Variants in AMBRA1 observed in about 807,000 individuals in gnomAD.
AMBRA1 encodes the protein autophagy and beclin 1 regulator 1, also known as activating molecule in BECN1-regulated autophagy protein 1.
AMBRA1 carries 47 observed loss-of-function variants against 125.4 expected under a neutral mutation model. The ratio of observed to expected loss-of-function variants is 0.37; its 90% confidence interval spans 0.30 to 0.48. The LOEUF (loss-of-function observed/expected upper bound fraction) is 0.48, where lower values mean the gene tolerates loss of function less well. Among genes scored for constraint, AMBRA1 ranks in the 20% least tolerant of loss-of-function variants. AMBRA1 has a pLI of 0.99. For synonymous variants in AMBRA1, 626 were observed against 655.5 expected (o/e 0.95, Z 0.69); for missense variants, 1,331 against 1,693.4 (o/e 0.79, Z 3.76).
At chr11:46,421,071 T>G (rs1293879791) in intron 14 of AMBRA1, among the ~76,000 whole-genome samples, 1 of 152,236 alleles carries the variant, frequency 6.6e-6, no homozygotes, top group Non-Finnish European at 1.5e-5. Flanking sequence ...CAGGCAAATA[T>G]TATCTATTTG....
At chr11:46,445,079 A>C (rs999560675) in intron 11 of AMBRA1, among the ~76,000 whole-genome samples, 1 of 151,882 alleles carries the variant, frequency 6.6e-6, no homozygotes, top group African/African-American at 2.4e-5. Context: ...AACAAAAAAA[A>C]AAAAACAAAA....
intron 11 of AMBRA1, among the ~76,000 whole-genome samples, chr11:46,455,741 G>A (rs1847181660): frequency 6.6e-6 from 1 of 152,156 alleles, no homozygotes; most frequent in Non-Finnish European, 1.5e-5. Flanking sequence ...CAATCACATT[G>A]CCTTGAACGC....
At chr11:46,503,981 G>T (rs1324166093) in intron 9 of AMBRA1, among the ~76,000 whole-genome samples, 1 of 152,190 alleles carries the variant, frequency 6.6e-6, no homozygotes, top group Non-Finnish European at 1.5e-5. Flanking sequence ...TTACAGGTGT[G>T]AGCTGCCACA....
rs1396341620 is a variant in AMBRA1 at position 46,478,640 on chromosome 11, TTTTTTCTC to T, written c.2521+14960_2521+14967del. On this transcript the variant is annotated intron_variant, in intron 11 of 17. Transcript: ENST00000683756. ...AGGCAAGATATTTCTTGTTTTTTTCTTTTTTCTCTTTTTTTTTTTTTTTTTTTTTTGGA... is the reference window on the plus strand; with the variant it reads ...AGGCAAGATATTTCTTGTTTTTTTCTTTTTTTTTTTTTTTTTTTTTTTGGA... 1.1e-3 allele frequency among the ~76,000 whole-genome samples: 146 copies of T among 127,848 alleles called. 1 individual carries two copies. Among genetic ancestry groups the T allele is most frequent in the Non-Finnish European group, 2.0e-3 (130 of 63,604 alleles). The allele number at this position is 127,848 out of a possible 152,430, so 83.9% of individuals were successfully genotyped here. A position where few individuals can be genotyped will look rare whatever the true frequency, so the allele number is the denominator to read the frequency against.
At position 46,492,844 on chromosome 11, in the gene AMBRA1, T is replaced by C. The variant is rs547342553; in HGVS notation, c.2521+764A>G. 2.6e-5 allele frequency among the ~76,000 whole-genome samples: 4 copies of C among 152,226 alleles called. No individual in the cohort carries two copies. The South Asian group carries it at 8.3e-4, about 32-fold the overall frequency. On this transcript the variant is annotated intron_variant, in intron 11 of 17. Coordinates refer to ENST00000683756, the MANE Select transcript of AMBRA1 (RefSeq NM_001387011.1). ...GCAGGCAGATCACGAAGTGAGGAGA[T>C]TGAGATCATCCTGGCTAACACGTTG...
At chr11:46,477,321 CTT>C (rs1007078980) in intron 11 of AMBRA1, among the ~76,000 whole-genome samples, 34 of 142,282 alleles carry the variant, frequency 2.4e-4, no homozygotes, top group Admixed American at 2.8e-4. Context: ...AAAGATACTT[CTT>C]TTTTTTTTTT....
chr11:46,453,794 G>T (rs1948728829), intron 11 of AMBRA1, among the ~76,000 whole-genome samples: 1 of 152,114 alleles, frequency 6.6e-6, no homozygotes, highest in Admixed American at 6.5e-5. Context: ...AAGGCACTTG[G>T]TCTATCATGT....
chr11:46,430,396 C>T (rs1417013162), intron 14 of AMBRA1, among the ~76,000 whole-genome samples: 1 of 152,210 alleles, frequency 6.6e-6, no homozygotes, highest in Non-Finnish European at 1.5e-5. Flanking sequence ...ATGAAGAAAT[C>T]TTGTTTTAAA....
At chr11:46,516,690 C>T (rs553323780) in intron 7 of AMBRA1, among the ~76,000 whole-genome samples, 44 of 152,194 alleles carry the variant, frequency 2.9e-4, no homozygotes, top group Middle Eastern at 3.4e-3. Flanking sequence ...ACCTCGGCCT[C>T]CCAAAGTGCT....
chr11:46,433,295 C>T (rs1003066075), intron 14 of AMBRA1, among the ~76,000 whole-genome samples, 179 bp downstream of exon 14: 1 of 152,170 alleles, frequency 6.6e-6, no homozygotes, highest in Admixed American at 6.5e-5. Context: ...TTTGATAGTC[C>T]AGAGCTTCCA....
intron 11 of AMBRA1, among the ~76,000 whole-genome samples, chr11:46,471,660 G>T (rs1441415229): frequency 6.6e-6 from 1 of 151,016 alleles, no homozygotes; most frequent in Non-Finnish European, 1.5e-5. Flanking sequence ...ATGGAGTCTT[G>T]CTCTGTTGCC....
chr11:46,444,629 T>C (rs763575582), intron 11 of AMBRA1, among the ~76,000 whole-genome samples: 1 of 152,222 alleles, frequency 6.6e-6, no homozygotes, highest in African/African-American at 2.4e-5. Flanking sequence ...TTACCAGCCT[T>C]GGAAAAATGG....
chr11:46,511,336 G>A (rs1470565713), intron 8 of AMBRA1, among the ~76,000 whole-genome samples: 1 of 152,170 alleles, frequency 6.6e-6, no homozygotes, highest in African/African-American at 2.4e-5. Flanking sequence ...CTGTTTTAAA[G>A]TCATCAATCC....
At chr11:46,563,196 G>A (rs2043395857) in intron 1 of AMBRA1, among the ~76,000 whole-genome samples, 1 of 152,142 alleles carries the variant, frequency 6.6e-6, no homozygotes, top group Admixed American at 6.6e-5. Flanking sequence ...CTTGAGGCCA[G>A]GAGTTCAAGA....
In AMBRA1 at chr11:46,494,141, A is replaced by G; in HGVS notation, c.2403T>C (p.Leu801=). Residue 801 remains leucine, a synonymous_variant, in exon 10 of 18, where the codon CTT becomes CTC. Transcript: ENST00000683756. Reference sequence around the variant, plus strand: ...GTTCTTACCTTGGGACAAAGCGTCCAAGCGAAGGTGCAGACATCCGGGCAT... The same window carrying G: ...GTTCTTACCTTGGGACAAAGCGTCCGAGCGAAGGTGCAGACATCCGGGCAT... ...PRNARMSAPS[L]GRFVPRRFLL... 6.2e-7 allele frequency: 1 copy of G among 1,608,542 alleles called. No individual in the cohort carries two copies. Among genetic ancestry groups the G allele is most frequent in the Non-Finnish European group, 8.5e-7 (1 of 1,177,214 alleles).
At position 46,548,514 on chromosome 11, in the gene AMBRA1, G is replaced by T; in HGVS notation, c.-120-14C>A. On this transcript the variant is annotated splice_polypyrimidine_tract_variant and intron_variant, in intron 1 of 17. Transcript: ENST00000683756. ...CCTCATGGAAATCTTAAGGAACAAA[G>T]AATAATGTCAAAGAACGACTTCTGC... The T allele has an allele frequency of 1.8e-6, 2 of 1,119,164 alleles. No individual in the cohort carries two copies. The highest frequency in any genetic ancestry group is 2.5e-6 in the Non-Finnish European group (2 of 811,380). The allele number at this position is 1,119,164 out of a possible 1,614,324, so 69.3% of individuals were successfully genotyped here. A position where few individuals can be genotyped will look rare whatever the true frequency, so the allele number is the denominator to read the frequency against.
intron 1 of AMBRA1, among the ~76,000 whole-genome samples, chr11:46,574,717 T>C (rs139698070): frequency 3.3e-5 from 5 of 152,332 alleles, no homozygotes; most frequent in African/African-American, 1.2e-4. Context: ...CTTACTCTCA[T>C]GGCCAACTCT....
intron 17 of AMBRA1, 143 bp downstream of exon 17, chr11:46,408,370 C>T (rs1241601175): frequency 2.0e-5 from 17 of 830,656 alleles, no homozygotes; most frequent in Non-Finnish European, 2.8e-5. Flanking sequence ...TCAGGGAAAC[C>T]ATGTCGCTGC....
intron 14 of AMBRA1, among the ~76,000 whole-genome samples, chr11:46,422,510 A>G (rs926677014): frequency 1.3e-5 from 2 of 152,124 alleles, no homozygotes; most frequent in African/African-American, 4.8e-5. Context: ...AGTGAGAGCA[A>G]AAGAAAACAG....
Sources: gnomAD v4.1 joint callset for allele counts (sites outside exome capture counted in the v4.1 genomes callset) on GRCh38, gnomAD v4.1.1 for gene constraint, MANE v1.5 for transcripts, NCBI Gene and HGNC (gene_info 2026-07-23, HGNC 2026-07-21) for gene names.